Variants in RSPO2 observed in about 807,000 individuals in gnomAD.
The protein encoded by RSPO2 is R-spondin-2.
A neutral mutation model predicts 30.9 loss-of-function variants in RSPO2; 14 were observed. The ratio of observed to expected loss-of-function variants is 0.45; its 90% CI spans 0.30 to 0.71. The LOEUF (loss-of-function observed/expected upper bound fraction) is 0.71. Among genes scored for constraint, RSPO2 ranks in the 30% least tolerant of loss-of-function variants. RSPO2 has a pLI of 0.08. For synonymous variants in RSPO2, 107 were observed against 96.4 expected (o/e 1.11, Z -0.64); for missense variants, 264 against 301.9 (o/e 0.87, Z 0.93).
intron 2 of RSPO2, among the ~76,000 whole-genome samples, chr8:108,059,852 TG>T (rs1484668160): frequency 1.3e-5 from 1 of 75,738 alleles, no homozygotes; most frequent in Non-Finnish European, 2.4e-5. Context: ...GGGACTGTTG[TG>T]GGGTGGGGGG....
chr8:108,024,149 G>GT (rs11378195), intron 2 of RSPO2, among the ~76,000 whole-genome samples: 117,607 of 151,996 alleles, frequency 0.77, 46,750 homozygotes, highest in African/African-American at 0.94. Context: ...AAAAAAACAA[G>GT]TGACATATAT....
At chr8:107,922,490 A>C (rs1812205813) in intron 5 of RSPO2, among the ~76,000 whole-genome samples, 1 of 152,222 alleles carries the variant, frequency 6.6e-6, no homozygotes, top group African/African-American at 2.4e-5. Context: ...GGATAGGAAT[A>C]ATCAATATCA....
At chr8:107,996,943 C>T (rs1263001164) in intron 2 of RSPO2, 2 of 453,884 alleles carry the variant, frequency 4.4e-6, no homozygotes, top group African/African-American at 2.0e-5. Flanking sequence ...TCTTTATAAC[C>T]CTACACACGA....
intron 5 of RSPO2, among the ~76,000 whole-genome samples, chr8:107,946,450 T>C (rs1813061554): frequency 1.3e-5 from 2 of 152,172 alleles, no homozygotes; most frequent in Admixed American, 1.3e-4. Context: ...TAGCTGTGCT[T>C]AGTTGCACAT....
At chr8:108,079,924 C>G (rs1049986505) in intron 2 of RSPO2, among the ~76,000 whole-genome samples, 1 of 152,340 alleles carries the variant, frequency 6.6e-6, no homozygotes, top group East Asian at 1.9e-4. Flanking sequence ...CCTAACATGT[C>G]AACTGTCACT....
rs540117466 is a variant in RSPO2 at position 108,055,129 on chromosome 8, AAGAAAAGAAAAC to A, written c.94+27404_94+27415del. Reference sequence around the variant, plus strand: ...GAGCAAGACCTTGTATCAAAAGAAAAAGAAAAGAAAACAGAAAATAAAAATGTGCTGCTTTAG... The same window carrying A: ...GAGCAAGACCTTGTATCAAAAGAAAAAGAAAATAAAAATGTGCTGCTTTAG... On this transcript the variant is annotated intron_variant, in intron 2 of 5. Coordinates refer to ENST00000276659, the MANE Select transcript of RSPO2 (RefSeq NM_178565.5). Among the ~76,000 whole-genome samples the A allele has an allele frequency of 2.9e-3, 444 of 152,232 alleles. 4 individuals are homozygous for A. The highest frequency in any genetic ancestry group is 9.7e-3 in the African/African-American group (404 of 41,540).
At chr8:107,968,822 A>C (rs886403312) in intron 3 of RSPO2, among the ~76,000 whole-genome samples, 1 of 152,092 alleles carries the variant, frequency 6.6e-6, no homozygotes, top group Non-Finnish European at 1.5e-5. Context: ...CATGGAAAAA[A>C]TAGATATAAT....
At chr8:107,913,238 A>G (rs2130280677) in intron 5 of RSPO2, among the ~76,000 whole-genome samples, 1 of 152,276 alleles carries the variant, frequency 6.6e-6, no homozygotes, top group African/African-American at 2.4e-5. Flanking sequence ...TTACATAAAT[A>G]TAATCCTGAG....
At chr8:107,914,142 G>A (rs1305436463) in intron 5 of RSPO2, among the ~76,000 whole-genome samples, 4 of 152,066 alleles carry the variant, frequency 2.6e-5, no homozygotes, top group African/African-American at 4.8e-5. Context: ...GAGTATCAGT[G>A]ACTTATGATG....
intron 5 of RSPO2, among the ~76,000 whole-genome samples, chr8:107,954,629 T>C (rs1313560307): frequency 1.4e-5 from 2 of 144,968 alleles, no homozygotes; most frequent in Admixed American, 7.0e-5. Flanking sequence ...TTATTTATTT[T>C]GAGACGGAGT....
At chr8:108,062,756 A>T (rs4735038) in intron 2 of RSPO2, among the ~76,000 whole-genome samples, 1 of 151,424 alleles carries the variant, frequency 6.6e-6, no homozygotes, top group South Asian at 2.1e-4. Context: ...CAATATCCCT[A>T]ATGAACATTG....
intron 5 of RSPO2, among the ~76,000 whole-genome samples, chr8:107,932,000 G>GT (rs549016132): frequency 3.0e-4 from 45 of 151,948 alleles, no homozygotes; most frequent in East Asian, 2.1e-3. Flanking sequence ...TGCAATGTAT[G>GT]TTTTTTTTAA....
chr8:108,003,311 AT>A (rs869040336), intron 2 of RSPO2, among the ~76,000 whole-genome samples: 3,123 of 26,664 alleles, frequency 0.12, 27 homozygotes, highest in Non-Finnish European at 0.17. Context: ...ATATATATAT[AT>A]TTTTTTTTTT....
chr8:108,022,469 G>C (rs1811086454), intron 2 of RSPO2, among the ~76,000 whole-genome samples: 1 of 151,986 alleles, frequency 6.6e-6, no homozygotes, highest in Non-Finnish European at 1.5e-5. Context: ...TGTGTGTATA[G>C]GTATAAACAC....
At chr8:108,033,776 G>T (rs1367503176) in intron 2 of RSPO2, among the ~76,000 whole-genome samples, 1 of 152,158 alleles carries the variant, frequency 6.6e-6, no homozygotes, top group Non-Finnish European at 1.5e-5. Context: ...AGGAGGCTGG[G>T]CATGCTTGGT....
intron 2 of RSPO2, among the ~76,000 whole-genome samples, chr8:108,062,558 A>T (rs535652965): frequency 6.6e-6 from 1 of 151,920 alleles, no homozygotes; most frequent in South Asian, 2.1e-4. Flanking sequence ...ACCAACCAAA[A>T]AAAGTCCAGG....
chr8:107,923,183 A>G (rs567651685), intron 5 of RSPO2, among the ~76,000 whole-genome samples: 3 of 152,310 alleles, frequency 2.0e-5, no homozygotes, highest in African/African-American at 7.2e-5. Context: ...CATGCATCTG[A>G]CAAAGGTCTA....
intron 2 of RSPO2, among the ~76,000 whole-genome samples, chr8:108,048,763 G>T (rs1383952533): frequency 6.6e-6 from 1 of 151,922 alleles, no homozygotes; most frequent in Non-Finnish European, 1.5e-5. Context: ...GTGATGTTAG[G>T]GTGTCAATTT....
At chr8:108,026,949 G>A (rs1182108535) in intron 2 of RSPO2, among the ~76,000 whole-genome samples, 1 of 152,146 alleles carries the variant, frequency 6.6e-6, no homozygotes, top group Non-Finnish European at 1.5e-5. Context: ...TGTAAAGTCT[G>A]AAGTTATTTC....
Sources: gnomAD v4.1 joint callset for allele counts (sites outside exome capture counted in the v4.1 genomes callset) on GRCh38, gnomAD v4.1.1 for gene constraint, MANE v1.5 for transcripts, NCBI Gene and HGNC (gene_info 2026-07-23, HGNC 2026-07-21) for gene names.